The following EML5 variants were observed in gnomAD, a reference collection of about 807,000 sequenced individuals.
EML5 encodes echinoderm microtubule-associated protein-like 5.
EML5 carries 120 observed loss-of-function variants against 250.0 expected under a neutral mutation model. The observed-to-expected ratio is 0.48, with a 90% CI of 0.41 to 0.56. EML5 has a LOEUF of 0.56. Ranked by LOEUF, EML5 falls within the 20% of genes least tolerant of loss-of-function variation. The pLI, the probability that EML5 is intolerant of heterozygous loss-of-function variation, is 0.00. For synonymous variants in EML5, 771 were observed against 806.5 expected, an observed-to-expected ratio of 0.96 and a Z score of 0.75; for missense variants, 2,006 against 2,437.6, an observed-to-expected ratio of 0.82 and a Z score of 3.73.
Position 88,644,510 on chromosome 14 carries a change from G to T in EML5, c.4030C>A (p.Pro1344Thr). The T allele has an allele frequency of 6.2e-7, 1 of 1,613,596 alleles. No homozygotes were observed. The highest frequency in any genetic ancestry group is 8.5e-7 in the Non-Finnish European group (1 of 1,179,724). The part of the protein sequence containing the change: ...ERQGVVRGSR[P>T]PVSRAPPQPE... ...TGTGGTGGGGCCCTGCTCACTGGAG[G>T]CCTGCAACAGAGAAGTGGGGAGGAG... Residue 1344 changes from proline to threonine, a missense_variant and splice_region_variant, in exon 30 of 44, where the codon CCT becomes ACT. Around this residue, in one of 7 missense-constraint regions of EML5, gnomAD observed 1,375 missense variants for 1,590.3 expected, o/e 0.86. Transcript: ENST00000554922.
Position 88,664,569 on chromosome 14 carries a change from A to G in EML5, c.3333T>C (p.Asn1111=), listed in dbSNP as rs921377904. 9.3e-6 allele frequency: 15 copies of G among 1,611,200 alleles called. No homozygotes were observed. Among genetic ancestry groups the G allele is most frequent in the Non-Finnish European group, 1.3e-5 (15 of 1,178,842 alleles). ...ASHDSFIDIY[N]VMSSKRVGIC... ...TTCCTACTCGTTTACTACTCATTAC[A>G]TTGTATATATCTATAAAGCTGTCAT... The change falls in exon 23 of 44, where the codon AAT becomes AAC. Residue 1111 remains asparagine, a synonymous_variant. Transcript: ENST00000554922.
At chr14:88,716,825 C>T (rs1320324937) in intron 8 of EML5, among the ~76,000 whole-genome samples, 1 of 152,002 alleles carries the variant, frequency 6.6e-6, no homozygotes, top group African/African-American at 2.4e-5. Context: ...TAATATCGCT[C>T]CGTCAATATT....
At chr14:88,621,875 G>A (rs1366862855) in intron 37 of EML5, 1 of 456,198 alleles carries the variant, frequency 2.2e-6, no homozygotes, top group African/African-American at 2.0e-5. Flanking sequence ...CTTTGTGATG[G>A]AAACTTTCAA....
intron 1 of EML5, among the ~76,000 whole-genome samples, chr14:88,759,685 TAAA>T (rs58676323): frequency 6.5e-5 from 6 of 92,902 alleles, no homozygotes; most frequent in South Asian, 4.4e-4. Context: ...CACCATCTCT[TAAA>T]AAAAAAAAAA....
chr14:88,727,432 G>A (rs751536040), intron 7 of EML5, among the ~76,000 whole-genome samples: 12 of 129,552 alleles, frequency 9.3e-5, no homozygotes, highest in South Asian at 4.8e-4. Context: ...ACGGAGTTTC[G>A]TTCCTGTTGT....
At chr14:88,771,616 CCTTTA>C (rs937307134) in intron 1 of EML5, among the ~76,000 whole-genome samples, 3 of 152,162 alleles carry the variant, frequency 2.0e-5, no homozygotes, top group African/African-American at 7.2e-5. Flanking sequence ...TTTTTCACTC[CCTTTA>C]TTGTGTTAAC....
chr14:88,634,373 A>C, intron 33 of EML5, 96 bp downstream of exon 33: 1 of 771,758 alleles, frequency 1.3e-6, no homozygotes, highest in Non-Finnish European at 2.0e-6. Context: ...TTTAATAGTA[A>C]TGCAAGAACG....
chr14:88,792,529 G>C lies in EML5; in HGVS notation c.-26C>G, dbSNP rs2094621496. 1 of 1,291,976 alleles carries C rather than the reference G, an allele frequency of 7.7e-7. No individual in the cohort carries two copies. Among genetic ancestry groups the C allele is most frequent in the Non-Finnish European group, 9.9e-7 (1 of 1,014,130 alleles). 80.0% of individuals were successfully genotyped at this position (1,291,976 alleles called of 1,614,324 possible). ...GTCGGGGCGCCCACCCGCCGCTCCCGCTCGGGCCCGCGGCGGCGACGGGAG... is the reference window on the plus strand; with the variant it reads ...GTCGGGGCGCCCACCCGCCGCTCCCCCTCGGGCCCGCGGCGGCGACGGGAG... On this transcript the variant is annotated 5_prime_UTR_variant, in exon 1 of 44. Coordinates refer to ENST00000554922, the MANE Select transcript of EML5 (RefSeq NM_183387.3). The surrounding 1 kb of genome is among the most constrained non-coding windows in gnomAD (Gnocchi z 6.9).
chr14:88,697,989 G>A lies in EML5; in HGVS notation c.2239-1037C>T, dbSNP rs559645005. On this transcript the variant is annotated intron_variant, in intron 14 of 43. Coordinates refer to ENST00000554922, the MANE Select transcript of EML5 (RefSeq NM_183387.3). ...CGACCTCAGGTGATCTGCCTGCCTC[G>A]GCCTCCCAAAGTGCTGGGATTACAG... Among the ~76,000 whole-genome samples, 301 of 152,060 alleles carry A rather than the reference G, an allele frequency of 2.0e-3. 2 individuals carry two copies. Among genetic ancestry groups the A allele is most frequent in the Middle Eastern group, 6.8e-3 (2 of 294 alleles).
At chr14:88,783,581 A>C (rs929032989) in intron 1 of EML5, among the ~76,000 whole-genome samples, 1 of 152,274 alleles carries the variant, frequency 6.6e-6, no homozygotes, top group Admixed American at 6.5e-5. Flanking sequence ...GTCACCGTAT[A>C]ATGACAAAGG....
chr14:88,729,070 CTA>C (rs1035826799), intron 7 of EML5, among the ~76,000 whole-genome samples: 4 of 147,612 alleles, frequency 2.7e-5, no homozygotes, highest in African/African-American at 9.9e-5. Context: ...TTGGATTTTT[CTA>C]TATATATAAA....
chr14:88,696,164 AAT>A (rs10551487), intron 15 of EML5, among the ~76,000 whole-genome samples: 64,788 of 147,206 alleles, frequency 0.44, 14,560 homozygotes, highest in East Asian at 0.83. Flanking sequence ...CAACTCTTTG[AAT>A]ATATATATAT....
At chr14:88,636,871 C>T (rs1456546159) in intron 32 of EML5, among the ~76,000 whole-genome samples, 1 of 152,122 alleles carries the variant, frequency 6.6e-6, no homozygotes, top group Non-Finnish European at 1.5e-5. Flanking sequence ...ACGTTTACTT[C>T]ATTAGGTATT....
At chr14:88,671,733 A>G (rs1434578211) in intron 21 of EML5, among the ~76,000 whole-genome samples, 1 of 152,236 alleles carries the variant, frequency 6.6e-6, no homozygotes, top group Non-Finnish European at 1.5e-5. Flanking sequence ...GAAAGCAGGA[A>G]AAAGCAGGGA....
Position 88,688,417 on chromosome 14 carries a change from T to C in EML5, c.2596A>G (p.Met866Val), listed in dbSNP as rs991202951. 8 of 1,614,024 alleles carry C rather than the reference T, an allele frequency of 5.0e-6. No homozygotes were observed. The highest frequency in any genetic ancestry group is 1.1e-5 in the South Asian group (1 of 91,084). Residue 866 changes from methionine to valine, a missense_variant, in exon 18 of 44, where the codon ATG becomes GTG. Met to Val is a conservative substitution (Grantham distance 21). Coordinates refer to ENST00000554922, the MANE Select transcript of EML5 (RefSeq NM_183387.3). ...GTCCATCCATACACTGCACACATCA[T>C]TGTGTCATTTTTCCCCAGTGTGCCT... ...YIGTLGKNDT[M>V]MCAVYGWTEE...
intron 1 of EML5, among the ~76,000 whole-genome samples, chr14:88,763,787 A>C (rs1053577912): frequency 6.6e-6 from 1 of 152,216 alleles, no homozygotes; most frequent in Admixed American, 6.5e-5. Flanking sequence ...ATTAGAAGTG[A>C]CAAGAATAGA....
rs1415261974 is a variant in EML5, at chr14:88,746,192, G to A, written c.449C>T (p.Thr150Ile). The stretch of plus-strand genomic sequence containing the variant: ...TCAAAAGAGAATACTTACTCTATCT[G>A]TATGACCAGGAGCCATAGACAACAT... ...GKMLSMAPGH[T>I]DRIFDISWDL... The change falls in exon 3 of 44, where the codon ACA (threonine) becomes ATA (isoleucine). Residue 150 changes from threonine (T) to isoleucine (I), a missense_variant. Coordinates refer to ENST00000554922, the MANE Select transcript of EML5 (RefSeq NM_183387.3). 1.2e-6 allele frequency: 2 copies of A among 1,610,866 alleles called. No homozygotes were observed. The highest frequency in any genetic ancestry group is 1.3e-5 in the African/African-American group (1 of 74,890).
At chr14:88,696,539 G>A (rs539490996) in intron 15 of EML5, among the ~76,000 whole-genome samples, 11 of 152,234 alleles carry the variant, frequency 7.2e-5, no homozygotes, top group South Asian at 4.1e-4. Flanking sequence ...CCCTCCCAGC[G>A]TGGGAGATGC....
At chr14:88,617,532 G>A in intron 41 of EML5, 1 of 152,508 alleles carries the variant, frequency 6.6e-6, no homozygotes, top group South Asian at 2.1e-4. Flanking sequence ...ATTTTGGGAG[G>A]CTGAGGCAGG....
Sources: gnomAD v4.1 joint callset for allele counts (sites outside exome capture counted in the v4.1 genomes callset) on GRCh38, gnomAD v4.1.1 for gene constraint, gnomAD v4.1.1 regional missense constraint, Gnocchi (gnomAD v3.1) non-coding constraint, MANE v1.5 for transcripts, NCBI Gene and HGNC (gene_info 2026-07-23, HGNC 2026-07-21) for gene names.